The following ZNF391 variants were observed in gnomAD, a reference collection of about 807,000 sequenced individuals.
ZNF391 encodes the protein zinc finger protein 391.
For synonymous variants in ZNF391, 126 were observed against 142.1 expected (o/e 0.89, Z 0.80); for missense variants, 375 against 425.5 (o/e 0.88, Z 1.04).
rs535548914 is a variant in ZNF391 at position 27,400,981 on chromosome 6, G to A, written c.611G>A (p.Arg204Gln). The change falls in exon 3 of 3, where the codon CGA (arginine) becomes CAA (glutamine). Residue 204 changes from arginine to glutamine, a missense_variant. Physicochemically the swap from Arg to Gln is conservative, Grantham distance 43 (BLOSUM62 1). Coordinates refer to ENST00000244576, the MANE Select transcript of ZNF391 (RefSeq NM_001076781.3). ...AGTGAATGTGGAAAAGCCTTTAGCC[G>A]AAGCACTAACCTTAGTCAGCATCAG... Reference protein sequence around the residue: ...ECSECGKAFSRSTNLSQHQRT... With the variant: ...ECSECGKAFSQSTNLSQHQRT... 34 of 1,614,006 alleles carry A rather than the reference G, an allele frequency of 2.1e-5. No individual in the cohort carries two copies. The highest frequency in any genetic ancestry group is 9.3e-5 in the African/African-American group (7 of 74,896).
At position 27,399,698 on chromosome 6, in the gene ZNF391, G is replaced by A. The variant is rs373734993; in HGVS notation, c.-79+148G>A. 10 of 152,340 alleles carry A rather than the reference G, an allele frequency of 6.6e-5. No individual in the cohort carries two copies. In the East Asian group the frequency reaches 7.7e-4, roughly 12 times the overall value. 9.4% of individuals were successfully genotyped at this position (152,340 alleles called of 1,614,324 possible). Reference sequence around the variant, plus strand: ...GTGGGTTGGCCTAGATGATGTCTAAGTTCTGCTAAATCTCTGATAGTCTAG... The same window carrying A: ...GTGGGTTGGCCTAGATGATGTCTAAATTCTGCTAAATCTCTGATAGTCTAG... On this transcript the variant is annotated intron_variant, in intron 2 of 2. Coordinates refer to ENST00000244576, the MANE Select transcript of ZNF391 (RefSeq NM_001076781.3).
At chr6:27,393,781 A>G (rs1761765583) in intron 1 of ZNF391, among the ~76,000 whole-genome samples, 1 of 152,250 alleles carries the variant, frequency 6.6e-6, no homozygotes, top group Admixed American at 6.5e-5. Flanking sequence ...AAAGTCTCAG[A>G]TGGCAATGAG....
chr6:27,388,298 T>C (rs1303455061), upstream of ZNF391, among the ~76,000 whole-genome samples: 2 of 152,162 alleles, frequency 1.3e-5, no homozygotes, highest in East Asian at 1.9e-4. Context: ...TTTTTTCTTT[T>C]GGTGAAATTT....
chr6:27,374,914 C>T lies in ZNF391; in HGVS notation n.300C>T, dbSNP rs1761389913. On this transcript the variant is annotated non_coding_transcript_exon_variant, in exon 1 of 3. Coordinates refer to the ZNF391 transcript ENST00000477999. The surrounding 1 kb of genome is among the most constrained non-coding windows in gnomAD (Gnocchi z 5.3). Reference sequence around the variant, plus strand: ...AACCCCACAGAGCCCCGAGCAGGCTCGGGTTCCCGCAGGATACACTGCCCG... The same window carrying T: ...AACCCCACAGAGCCCCGAGCAGGCTTGGGTTCCCGCAGGATACACTGCCCG... The T allele has an allele frequency of 6.6e-6, 1 of 152,354 alleles. No individual in the cohort carries two copies. The highest frequency in any genetic ancestry group is 2.1e-4 in the South Asian group (1 of 4,840). 9.4% of individuals were successfully genotyped at this position (152,354 alleles called of 1,614,324 possible). A position where few individuals can be genotyped will look rare whatever the true frequency, so the allele number is the denominator to read the frequency against.
At chr6:27,393,391 C>T (rs1288837188) in intron 1 of ZNF391, among the ~76,000 whole-genome samples, 12 of 152,180 alleles carry the variant, frequency 7.9e-5, no homozygotes, top group Admixed American at 6.5e-4. Flanking sequence ...GCCTAATCCC[C>T]CTTTGCCTTC....
chr6:27,382,893 G>A (rs1761530775), intron 1 of ZNF391, among the ~76,000 whole-genome samples: 1 of 152,164 alleles, frequency 6.6e-6, no homozygotes, highest in Admixed American at 6.5e-5. Flanking sequence ...GCCAAGGTGG[G>A]CAGATCACTT....
intron 2 of ZNF391, among the ~76,000 whole-genome samples, chr6:27,399,883 CT>C (rs935193325): frequency 3.3e-5 from 5 of 152,158 alleles, no homozygotes; most frequent in Admixed American, 3.3e-4. Context: ...AGTCATCTTT[CT>C]TTTTTCCATT....
chr6:27,389,298 C>T (rs1761648935), intron 1 of ZNF391: 3 of 455,790 alleles, frequency 6.6e-6, no homozygotes, highest in Non-Finnish European at 1.3e-5. Flanking sequence ...GGGTGTATCC[C>T]TGGGAGATGA....
At chr6:27,383,064 G>A (rs528723851) in intron 1 of ZNF391, among the ~76,000 whole-genome samples, 4 of 151,900 alleles carry the variant, frequency 2.6e-5, no homozygotes, top group African/African-American at 7.3e-5. Context: ...AGGTTGCACC[G>A]AGCCGAGATT....
intron 1 of ZNF391, among the ~76,000 whole-genome samples, chr6:27,393,326 G>C (rs1253146963): frequency 2.0e-5 from 3 of 152,134 alleles, no homozygotes; most frequent in African/African-American, 4.8e-5. Flanking sequence ...AGATCTGGTT[G>C]TGTAAAAGTG....
chr6:27,382,694 C>T (rs1019570071), intron 1 of ZNF391, among the ~76,000 whole-genome samples: 4 of 152,042 alleles, frequency 2.6e-5, no homozygotes, highest in Admixed American at 1.3e-4. Flanking sequence ...TTATAAGAAC[C>T]AGAAAGAAAT....
intron 1 of ZNF391, 142 bp downstream of exon 1, chr6:27,389,217 G>T (rs950181041): frequency 4.4e-6 from 2 of 456,478 alleles, no homozygotes; most frequent in African/African-American, 4.0e-5. Flanking sequence ...GGGTCATGAA[G>T]CCCCCAGCGC....
Position 27,401,272 on chromosome 6 carries a change from G to A in ZNF391, c.902G>A (p.Gly301Glu). 6.2e-7 allele frequency: 1 copy of A among 1,614,146 alleles called. No individual in the cohort carries two copies. The highest frequency in any genetic ancestry group is 1.3e-5 in the African/African-American group (1 of 75,040). ...ACAGAACATCAGAGAATCCACAGTG[G>A]AGAAAAGCCTCACGAGTGTAGAGTG... ...SLTEHQRIHS[G>E]EKPHECRVCG... The change falls in exon 3 of 3, where the codon GGA (glycine) becomes GAA (glutamate). Residue 301 changes from glycine to glutamate, a missense_variant. Transcript: ENST00000244576.
At chr6:27,390,016 T>C (rs531363829) in intron 1 of ZNF391, among the ~76,000 whole-genome samples, 3 of 152,200 alleles carry the variant, frequency 2.0e-5, no homozygotes, top group Non-Finnish European at 4.4e-5. Context: ...TCACCTTTGG[T>C]AGGACAAGAT....
upstream of ZNF391, among the ~76,000 whole-genome samples, chr6:27,384,281 T>A (rs1761549976): frequency 6.6e-6 from 1 of 151,848 alleles, no homozygotes; most frequent in South Asian, 2.1e-4. Context: ...CTGGCCAACA[T>A]GGTGAAACCC....
At chr6:27,398,651 G>C (rs921921416) in intron 1 of ZNF391, among the ~76,000 whole-genome samples, 1 of 152,136 alleles carries the variant, frequency 6.6e-6, no homozygotes, top group Non-Finnish European at 1.5e-5. Context: ...GAGGTCAGGA[G>C]ATCGAGACCA....
intron 1 of ZNF391, among the ~76,000 whole-genome samples, chr6:27,381,058 G>A (rs957262280): frequency 3.9e-5 from 6 of 152,262 alleles, no homozygotes; most frequent in Admixed American, 6.5e-5. Context: ...GTCCCGCGCC[G>A]TGCGCCCACA....
intron 1 of ZNF391, among the ~76,000 whole-genome samples, chr6:27,383,268 CAG>C (rs377274922): frequency 1.3e-4 from 20 of 150,490 alleles, no homozygotes; most frequent in African/African-American, 4.4e-4. Context: ...GAGACAAAGA[CAG>C]GGGGTGGGGA....
intron 1 of ZNF391, among the ~76,000 whole-genome samples, chr6:27,375,456 C>T (rs1197105311): frequency 3.3e-5 from 5 of 152,144 alleles, no homozygotes; most frequent in Non-Finnish European, 5.9e-5. Flanking sequence ...TGACAGATCT[C>T]TAGTAAGCAA....
Sources: allele counts gnomAD v4.1 joint callset (sites outside exome capture counted in the v4.1 genomes callset), GRCh38; gene constraint gnomAD v4.1.1; non-coding constraint Gnocchi (gnomAD v3.1); transcripts MANE v1.5; gene names NCBI Gene and HGNC (gene_info 2026-07-23, HGNC 2026-07-21).